The following SNX16 variants were observed in gnomAD, a reference collection of about 807,000 sequenced individuals.
SNX16 encodes the protein sorting nexin 16.
Under a neutral mutation model 36.7 loss-of-function variants are expected in SNX16, and 35 were observed. The ratio of observed to expected loss-of-function variants is 0.95; its 90% CI spans 0.73 to 1.27. The LOEUF (loss-of-function observed/expected upper bound fraction) is 1.27. Among genes scored for constraint, SNX16 ranks in the 50% most tolerant of loss-of-function variants. The probability of loss-of-function intolerance (pLI) is 0.00; values close to 1 mark genes in which losing one functional copy is unlikely to be tolerated. For missense variants in SNX16, 367 were observed against 393.6 expected (o/e 0.93, Z 0.57); for synonymous variants, 134 against 132.0 (o/e 1.02, Z -0.10).
At chr8:81,819,642 T>G (rs1440817457) in intron 4 of SNX16, among the ~76,000 whole-genome samples, 1 of 152,056 alleles carries the variant, frequency 6.6e-6, no homozygotes, top group African/African-American at 2.4e-5. Context: ...GATGAGTATC[T>G]AACTCATTTT....
At chr8:81,833,788 C>G (rs1274688894) in intron 2 of SNX16, among the ~76,000 whole-genome samples, 2 of 152,156 alleles carry the variant, frequency 1.3e-5, no homozygotes, top group Non-Finnish European at 2.9e-5. Flanking sequence ...GTGCTTTCTA[C>G]TTGTTTAAGT....
chr8:81,815,214 T>C, intron 5 of SNX16, 111 bp downstream of exon 5: 1 of 762,404 alleles, frequency 1.3e-6, no homozygotes, highest in Non-Finnish European at 2.0e-6. Flanking sequence ...AAAACTACCA[T>C]AGCCTGAAAT....
chr8:81,831,750 T>C (rs529295941), intron 2 of SNX16, among the ~76,000 whole-genome samples: 111 of 145,404 alleles, frequency 7.6e-4, no homozygotes, highest in African/African-American at 2.3e-3. Context: ...TCATTAAAAG[T>C]AGGCAAAAGA....
At chr8:81,830,428 G>A (rs149823783) in intron 2 of SNX16, among the ~76,000 whole-genome samples, 11,920 of 151,668 alleles carry the variant, frequency 0.079, 591 homozygotes, top group East Asian at 0.18. Context: ...AAAATTAGCC[G>A]GGCACGGTGG....
chr8:81,808,800 G>T (rs1810092680), intron 5 of SNX16: 3 of 794,602 alleles, frequency 3.8e-6, no homozygotes, highest in South Asian at 2.8e-5. Context: ...GGTAACAACA[G>T]ATTTGTGAAG....
chr8:81,805,341 GATGCAA>G (rs1441568925), intron 5 of SNX16, among the ~76,000 whole-genome samples: 1 of 152,086 alleles, frequency 6.6e-6, no homozygotes, highest in African/African-American at 2.4e-5. Flanking sequence ...AGACTTGTGA[GATGCAA>G]TTTGACTGTT....
intron 5 of SNX16, among the ~76,000 whole-genome samples, chr8:81,813,425 T>TA (rs1251289568): frequency 2.0e-5 from 3 of 151,496 alleles, no homozygotes; most frequent in African/African-American, 4.8e-5. Context: ...CCTAATACCT[T>TA]AAAAAAAATT....
At chr8:81,807,023 TAATA>T (rs1171904955) in intron 5 of SNX16, among the ~76,000 whole-genome samples, 1 of 152,134 alleles carries the variant, frequency 6.6e-6, no homozygotes, top group Non-Finnish European at 1.5e-5. Flanking sequence ...TCTTCAAAAT[TAATA>T]AATAAATGTA....
At chr8:81,813,010 T>C (rs1331890034) in intron 5 of SNX16, among the ~76,000 whole-genome samples, 1 of 151,734 alleles carries the variant, frequency 6.6e-6, no homozygotes, top group Admixed American at 6.6e-5. Flanking sequence ...AAAAATTATT[T>C]TACACAAGAT....
At chr8:81,816,068 T>G (rs774477) in intron 4 of SNX16, among the ~76,000 whole-genome samples, 2 of 152,038 alleles carry the variant, frequency 1.3e-5, no homozygotes, top group Admixed American at 1.3e-4. Flanking sequence ...AAAAGCAAGT[T>G]TGGACTGTTG....
intron 2 of SNX16, among the ~76,000 whole-genome samples, chr8:81,830,366 C>T (rs1342118891): frequency 2.0e-5 from 3 of 151,846 alleles, no homozygotes; most frequent in Admixed American, 6.6e-5. Context: ...GTCAGGAGAT[C>T]GAGACCATCC....
chr8:81,823,742 G>C, intron 4 of SNX16, 50 bp downstream of exon 4: 1 of 1,456,524 alleles, frequency 6.9e-7, no homozygotes, highest in Non-Finnish European at 9.3e-7. Context: ...TTTAATTTAC[G>C]CCAGTTATTG....
At chr8:81,829,273 C>CTAAAAATTTTTATTTTTAAAATTTTTTA (rs146879166) in intron 3 of SNX16, among the ~76,000 whole-genome samples, 157 bp downstream of exon 3, 36,739 of 150,392 alleles carry the variant, frequency 0.24, 4,995 homozygotes, top group East Asian at 0.37. Flanking sequence ...CATTTTTATG[C>CTAAAAATTTTTATTTTTAAAATTTTTTA]TAAAAATTTT....
chr8:81,829,669 G>A (rs981637125), intron 2 of SNX16, among the ~76,000 whole-genome samples, 153 bp from the exon 3 acceptor site: 1 of 151,998 alleles, frequency 6.6e-6, no homozygotes, highest in Non-Finnish European at 1.5e-5. Context: ...ATTATCAAAA[G>A]TACAAATAAT....
chr8:81,811,827 C>T (rs1416247526), intron 5 of SNX16, among the ~76,000 whole-genome samples: 5 of 152,074 alleles, frequency 3.3e-5, no homozygotes, highest in Non-Finnish European at 5.9e-5. Context: ...TCAATTGAAG[C>T]TATCTCTAAA....
intron 5 of SNX16, 73 bp downstream of exon 5, chr8:81,815,252 T>A: frequency 8.6e-7 from 1 of 1,161,502 alleles, no homozygotes. Flanking sequence ...TGCTATTCCA[T>A]CCAAGAAACA....
At chr8:81,839,545 T>C (rs2130777787) in intron 2 of SNX16, 67 bp downstream of exon 2, 1 of 1,399,834 alleles carries the variant, frequency 7.1e-7, no homozygotes. Flanking sequence ...AATTTAACAC[T>C]GGTTTGAACA....
chr8:81,805,087 G>A (rs551343054), intron 5 of SNX16, among the ~76,000 whole-genome samples: 4 of 152,048 alleles, frequency 2.6e-5, no homozygotes, highest in South Asian at 2.1e-4. Context: ...TTCTTTTCAA[G>A]CACACATGGA....
At chr8:81,802,969 G>T in intron 6 of SNX16, 123 bp downstream of exon 6, 1 of 867,106 alleles carries the variant, frequency 1.2e-6, no homozygotes. Context: ...AATGAAGTAT[G>T]CCAAAAGCCT....
Sources: gnomAD v4.1 joint callset for allele counts (sites outside exome capture counted in the v4.1 genomes callset) on GRCh38, gnomAD v4.1.1 for gene constraint, MANE v1.5 for transcripts, NCBI Gene and HGNC (gene_info 2026-07-23, HGNC 2026-07-21) for gene names.